MUC7: variants seen among roughly 807,000 people sequenced by gnomAD.
The protein encoded by MUC7 is mucin 7, secreted.
In MUC7, 2 loss-of-function variants were observed where a neutral mutation model predicts 2.5. The ratio of observed to expected loss-of-function variants is 0.81; its 90% CI spans 0.33 to 2.55. MUC7 has a LOEUF of 2.55. MUC7 is among the 30% of genes most tolerant of loss of function. The pLI is 0.11. For missense variants in MUC7, 408 were observed against 455.6 expected (o/e 0.90, Z 0.95); for synonymous variants, 133 against 173.4 (o/e 0.77, Z 1.83).
chr4:70,432,125 A>T (rs541755267), intron 1 of MUC7, among the ~76,000 whole-genome samples: 7 of 152,290 alleles, frequency 4.6e-5, no homozygotes, highest in Non-Finnish European at 1.5e-5. Flanking sequence ...TATGTGCCAC[A>T]ATTTCTTAAT....
intron 2 of MUC7, 80 bp downstream of exon 2, chr4:70,474,155 A>G (rs1734924792): frequency 8.7e-7 from 1 of 1,149,824 alleles, no homozygotes; most frequent in Non-Finnish European, 1.3e-6. Context: ...CTTTTAAAGC[A>G]TAATAGGCAA....
In MUC7 at chr4:70,481,663, C is replaced by A. The variant is rs753660419; in HGVS notation, c.919C>A (p.Pro307Thr). 9 of 1,614,040 alleles carry A rather than the reference C, an allele frequency of 5.6e-6. No homozygotes were observed. Among genetic ancestry groups the A allele is most frequent in the African/African-American group, 4.0e-5 (3 of 74,902 alleles). ...AGCTCCACAAGAGACCACAGCTGCCCCAATTACCACACCTAATTCTTCCCC... is the reference window on the plus strand; with the variant it reads ...AGCTCCACAAGAGACCACAGCTGCCACAATTACCACACCTAATTCTTCCCC... ...SPAPQETTAA[P>T]ITTPNSSPTT... is the part of the protein sequence containing the mutation. The change falls in exon 3 of 3, where the codon CCA becomes ACA. Residue 307 changes from proline (P) to threonine (T), a missense_variant. By Grantham distance (38) the Pro-to-Thr change is conservative (BLOSUM62 -1). Coordinates refer to ENST00000304887, the MANE Select transcript of MUC7 (RefSeq NM_152291.3).
At position 70,474,037 on chromosome 4, in the gene MUC7, C is replaced by T; in HGVS notation, c.16C>T (p.Leu6=). ...ATCAGAAAGAATGAAAACTCTGCCG[C>T]TGTTTGTGTGCATCTGTGCACTGAG... MKTLP[L]FVCICALSAC... Residue 6 remains leucine (L), a synonymous_variant, in exon 2 of 3, where the codon CTG becomes TTG. Coordinates refer to ENST00000304887, the MANE Select transcript of MUC7 (RefSeq NM_152291.3). The T allele has an allele frequency of 6.2e-7, 1 of 1,613,116 alleles. No homozygotes were observed. The highest frequency in any genetic ancestry group is 8.5e-7 in the Non-Finnish European group (1 of 1,179,426).
At chr4:70,449,282 G>A (rs1047856624) in intron 1 of MUC7, among the ~76,000 whole-genome samples, 4 of 152,162 alleles carry the variant, frequency 2.6e-5, no homozygotes, top group Non-Finnish European at 5.9e-5. Context: ...TGGACTCATG[G>A]TTCAATGTGG....
chr4:70,431,619 T>G (rs2109783237), intron 1 of MUC7, among the ~76,000 whole-genome samples: 1 of 152,340 alleles, frequency 6.6e-6, no homozygotes, highest in Non-Finnish European at 1.5e-5. Context: ...TAATCAGTTG[T>G]AGTTTTCATT....
Position 70,472,228 on chromosome 4 carries a change from A to G in MUC7, c.-79A>G, listed in dbSNP as rs1236574925. 1 of 152,202 alleles carries G rather than the reference A, an allele frequency of 6.6e-6. No homozygotes were observed. Among genetic ancestry groups the G allele is most frequent in the Non-Finnish European group, 1.5e-5 (1 of 68,028 alleles). 9.4% of individuals were successfully genotyped at this position (152,202 alleles called of 1,614,324 possible). ...TTTTGCTTCTAGTTACCATCCTCAA[A>G]GGATTGGCTAAAAGCAAGCAACTGG... On this transcript the variant is annotated 5_prime_UTR_variant, in exon 1 of 3. Transcript: ENST00000304887.
intron 1 of MUC7, among the ~76,000 whole-genome samples, chr4:70,449,550 AC>A (rs1263952555): frequency 2.6e-5 from 4 of 152,126 alleles, no homozygotes; most frequent in African/African-American, 9.6e-5. Flanking sequence ...ACACAGCCAA[AC>A]CATATCATCT....
chr4:70,473,087 G>A (rs964476409), intron 1 of MUC7, among the ~76,000 whole-genome samples: 1 of 152,058 alleles, frequency 6.6e-6, no homozygotes, highest in African/African-American at 2.4e-5. Flanking sequence ...CTATGTACTA[G>A]GCATGATGAC....
At chr4:70,435,488 G>T (rs942720948) in intron 1 of MUC7, among the ~76,000 whole-genome samples, 1 of 152,100 alleles carries the variant, frequency 6.6e-6, no homozygotes, top group Non-Finnish European at 1.5e-5. Flanking sequence ...ATCTTTGTTG[G>T]TTTAAAGTCT....
In MUC7 at chr4:70,481,158, C is replaced by T. The variant is rs1735158977; in HGVS notation, c.414C>T (p.Thr138=). Residue 138 remains threonine, a synonymous_variant, in exon 3 of 3, where the codon ACC becomes ACT. Coordinates refer to ENST00000304887, the MANE Select transcript of MUC7 (RefSeq NM_152291.3). ...CTTTTCTTCCCCAGAATGCCACCAC[C>T]ATATCTTCAAGAGAAAATGTTAACA... ...NVTFLPQNAT[T]ISSRENVNTS... The T allele has an allele frequency of 6.2e-7, 1 of 1,614,100 alleles. No homozygotes were observed. The highest frequency in any genetic ancestry group is 1.1e-5 in the South Asian group (1 of 91,094).
chr4:70,430,752 A>G (rs901174931), intron 1 of MUC7: 2 of 152,134 alleles, frequency 1.3e-5, no homozygotes, highest in Non-Finnish European at 2.9e-5. Flanking sequence ...TTTTTTAAGC[A>G]TTGCATTTCT....
At chr4:70,470,738 A>G (rs548175404), upstream of MUC7, among the ~76,000 whole-genome samples, 1 of 152,336 alleles carries the variant, frequency 6.6e-6, no homozygotes, top group African/African-American at 2.4e-5. Flanking sequence ...TATAACAAGT[A>G]TATTGTAAAT....
intron 1 of MUC7, among the ~76,000 whole-genome samples, chr4:70,441,507 A>G (rs1213499841): frequency 6.6e-6 from 1 of 152,196 alleles, no homozygotes; most frequent in Admixed American, 6.5e-5. Context: ...GGCAGCATCT[A>G]TATATGGAGG....
At chr4:70,431,488 T>C (rs1038624126) in intron 1 of MUC7, among the ~76,000 whole-genome samples, 2 of 152,064 alleles carry the variant, frequency 1.3e-5, no homozygotes, top group Admixed American at 6.6e-5. Flanking sequence ...TGGGTTTTTT[T>C]TGGGGGGGTG....
intron 2 of MUC7, among the ~76,000 whole-genome samples, chr4:70,476,402 C>T (rs1173367586): frequency 6.6e-6 from 1 of 152,262 alleles, no homozygotes; most frequent in South Asian, 2.1e-4. Flanking sequence ...TCCCTCAAAT[C>T]CAGACACCTA....
At chr4:70,464,253 C>G (rs1734626038) in intron 1 of MUC7, among the ~76,000 whole-genome samples, 1 of 152,208 alleles carries the variant, frequency 6.6e-6, no homozygotes, top group Non-Finnish European at 1.5e-5. Flanking sequence ...TCACAACCAG[C>G]AGACAAGAAG....
intron 2 of MUC7, among the ~76,000 whole-genome samples, chr4:70,477,241 T>C (rs1222719321): frequency 1.3e-5 from 2 of 151,978 alleles, no homozygotes; most frequent in African/African-American, 4.8e-5. Context: ...GAAACCCCCA[T>C]CTCTACTAAG....
chr4:70,443,559 G>T (rs1264044484), intron 1 of MUC7, among the ~76,000 whole-genome samples: 2 of 152,052 alleles, frequency 1.3e-5, no homozygotes, highest in South Asian at 2.1e-4. Context: ...AAACAAAATG[G>T]TCAGCTTCGA....
intron 2 of MUC7, among the ~76,000 whole-genome samples, chr4:70,475,495 G>C (rs544172610): frequency 6.6e-6 from 1 of 152,252 alleles, no homozygotes; most frequent in East Asian, 1.9e-4. Flanking sequence ...AATGTAGGAA[G>C]TTTAGATATG....
Sources: gnomAD v4.1 joint callset for allele counts (sites outside exome capture counted in the v4.1 genomes callset) on GRCh38, gnomAD v4.1.1 for gene constraint, MANE v1.5 for transcripts, NCBI Gene and HGNC (gene_info 2026-07-23, HGNC 2026-07-21) for gene names.